The following C11orf65 variants were observed in gnomAD, a reference collection of about 807,000 sequenced individuals.
The protein encoded by C11orf65 is chromosome 11 open reading frame 65, also known as protein MFI.
C11orf65 carries 38 observed loss-of-function variants against 35.3 expected under a neutral mutation model. That is an observed-to-expected ratio of 1.08 (90% CI 0.83 to 1.41). The LOEUF (loss-of-function observed/expected upper bound fraction) is 1.41, where lower values mean the gene tolerates loss of function less well. C11orf65 is among the 40% of genes most tolerant of loss of function. The pLI is 0.00. For missense variants in C11orf65, 370 were observed against 367.1 expected (o/e 1.01, Z -0.06); for synonymous variants, 105 against 114.4 (o/e 0.92, Z 0.53).
chr11:108,316,458 G>A (rs2084659271), intron 6 of C11orf65, among the ~76,000 whole-genome samples: 1 of 152,050 alleles, frequency 6.6e-6, no homozygotes, highest in Admixed American at 6.6e-5. Context: ...AAAATCTTAT[G>A]TAAACTATTT....
chr11:108,410,556 T>C (rs938880458), intron 3 of C11orf65, among the ~76,000 whole-genome samples: 2 of 152,070 alleles, frequency 1.3e-5, no homozygotes, highest in South Asian at 2.1e-4. Flanking sequence ...GATTTCTCCA[T>C]GTTGCCCAGG....
chr11:108,436,123 A>G (rs1273772241), intron 2 of C11orf65, among the ~76,000 whole-genome samples: 3 of 152,016 alleles, frequency 2.0e-5, no homozygotes, highest in African/African-American at 7.2e-5. Flanking sequence ...AAAAAAAAAA[A>G]AAGAAAGAAA....
At chr11:108,338,932 A>G (rs1462799969) in intron 2 of C11orf65, among the ~76,000 whole-genome samples, 1 of 152,140 alleles carries the variant, frequency 6.6e-6, no homozygotes. Flanking sequence ...GTCATTCCCA[A>G]TCCTGAGATT....
At chr11:108,451,057 A>C (rs1000785726) in intron 2 of C11orf65, among the ~76,000 whole-genome samples, 8 of 151,996 alleles carry the variant, frequency 5.3e-5, no homozygotes, top group Non-Finnish European at 1.2e-4. Flanking sequence ...TATCATACTG[A>C]ATGGGCAAAA....
intron 6 of C11orf65, among the ~76,000 whole-genome samples, chr11:108,397,418 A>C (rs1048909763): frequency 6.6e-6 from 1 of 152,150 alleles, no homozygotes; most frequent in African/African-American, 2.4e-5. Flanking sequence ...TTCTTTCTAA[A>C]CTAGGAAATT....
intron 2 of C11orf65, among the ~76,000 whole-genome samples, chr11:108,433,511 C>T (rs944519819): frequency 2.0e-5 from 3 of 151,952 alleles, no homozygotes; most frequent in African/African-American, 2.4e-5. Context: ...ACCCAGGAGG[C>T]GGAACTTGCA....
In C11orf65 at chr11:108,456,721, G is replaced by T. The variant is rs186227768; in HGVS notation, c.81+4758C>A. Reference sequence around the variant, plus strand: ...GAGCCCAGGAGTTCAAGGTTACAGTGAACTGTGATCATGCAACTGCACTCT... The same window carrying T: ...GAGCCCAGGAGTTCAAGGTTACAGTTAACTGTGATCATGCAACTGCACTCT... On this transcript the variant is annotated intron_variant, in intron 2 of 8. Transcript: ENST00000393084. Among the ~76,000 whole-genome samples the T allele has an allele frequency of 2.0e-5, 3 of 151,332 alleles. No individual in the cohort carries two copies. In the East Asian group the frequency reaches 5.8e-4, roughly 29 times the overall value.
chr11:108,389,613 C>T (rs917343670), intron 7 of C11orf65, among the ~76,000 whole-genome samples: 1 of 152,080 alleles, frequency 6.6e-6, no homozygotes, highest in Non-Finnish European at 1.5e-5. Context: ...TAGGTATATC[C>T]ATCCCACTCC....
intron 2 of C11orf65, among the ~76,000 whole-genome samples, chr11:108,432,599 T>C (rs2093004937): frequency 6.6e-6 from 1 of 152,192 alleles, no homozygotes; most frequent in African/African-American, 2.4e-5. Flanking sequence ...AAAAATGCTT[T>C]AATAACTCTT....
At chr11:108,411,996 G>A (rs1426196897) in intron 3 of C11orf65, among the ~76,000 whole-genome samples, 3 of 151,938 alleles carry the variant, frequency 2.0e-5, no homozygotes, top group South Asian at 2.1e-4. Flanking sequence ...AGCTGGTCTC[G>A]AATGCCTGAC....
intron 6 of C11orf65, chr11:108,309,090 G>GC: frequency 7.2e-7 from 1 of 1,380,456 alleles, no homozygotes; most frequent in South Asian, 1.2e-5. Context: ...AGTATGAATG[G>GC]GATATAGAAA....
At chr11:108,358,495 A>T (rs1444395014) in intron 2 of C11orf65, among the ~76,000 whole-genome samples, 1 of 149,766 alleles carries the variant, frequency 6.7e-6, no homozygotes. Context: ...CATAATTGTC[A>T]GATTCACCAA....
intron 5 of C11orf65, among the ~76,000 whole-genome samples, chr11:108,406,142 C>T (rs1190246922): frequency 1.3e-5 from 2 of 152,134 alleles, no homozygotes; most frequent in African/African-American, 2.4e-5. Context: ...ACTGAAATAT[C>T]CTGTTTACTT....
chr11:108,442,609 A>G (rs1288242865), intron 2 of C11orf65, among the ~76,000 whole-genome samples: 1 of 152,248 alleles, frequency 6.6e-6, no homozygotes, highest in Non-Finnish European at 1.5e-5. Context: ...GAAACCCATC[A>G]GAATAACAGC....
downstream of C11orf65, among the ~76,000 whole-genome samples, chr11:108,377,850 G>A (rs1374724909): frequency 1.3e-5 from 2 of 152,042 alleles, no homozygotes; most frequent in East Asian, 3.9e-4. Context: ...GACAAACAGA[G>A]AGCCAAATCA....
chr11:108,424,171 G>C (rs547461004), intron 3 of C11orf65, among the ~76,000 whole-genome samples: 1 of 152,226 alleles, frequency 6.6e-6, no homozygotes, highest in East Asian at 1.9e-4. Context: ...GAGGTTAGAG[G>C]AATTGCTATC....
chr11:108,319,304 A>G (rs966622470), intron 6 of C11orf65, among the ~76,000 whole-genome samples: 1 of 152,172 alleles, frequency 6.6e-6, no homozygotes, highest in African/African-American at 2.4e-5. Context: ...GCCTCTGTAA[A>G]TCAATATATA....
intron 2 of C11orf65, among the ~76,000 whole-genome samples, chr11:108,348,904 T>C (rs2088827294): frequency 6.6e-6 from 1 of 152,192 alleles, no homozygotes; most frequent in African/African-American, 2.4e-5. Context: ...ATAATGAAGC[T>C]GGTTTGGTTA....
chr11:108,364,979 C>A lies in C11orf65; in HGVS notation c.226+28229G>T, dbSNP rs1167895163. ...GATGTTTGTTCCCCTCCCCCATCAA[C>A]TACCATGTGACTGGCTTATTTGTAT... On this transcript the variant is annotated intron_variant, in intron 2 of 3. Coordinates refer to the C11orf65 transcript ENST00000524755. 2.2e-6 allele frequency: 3 copies of A among 1,355,912 alleles called. No individual in the cohort carries two copies. In the African/African-American group the frequency reaches 4.3e-5, roughly 20 times the overall value. The allele number at this position is 1,355,912 out of a possible 1,614,324, so 84.0% of individuals were successfully genotyped here.
Sources: allele counts gnomAD v4.1 joint callset (sites outside exome capture counted in the v4.1 genomes callset), GRCh38; gene constraint gnomAD v4.1.1; transcripts MANE v1.5; gene names NCBI Gene and HGNC (gene_info 2026-07-23, HGNC 2026-07-21).